The following GALNT7 variants were observed in gnomAD, a reference collection of about 807,000 sequenced individuals.
GALNT7 encodes the protein N-acetylgalactosaminyltransferase 7.
In GALNT7, 60 loss-of-function variants were observed where a neutral mutation model predicts 82.1. The ratio of observed to expected loss-of-function variants is 0.73; its 90% CI spans 0.59 to 0.91. The LOEUF is 0.91. Among genes scored for constraint, GALNT7 ranks in the 40% least tolerant of loss-of-function variants. The pLI is 0.00. For missense variants in GALNT7, 660 were observed against 804.2 expected (o/e 0.82, Z 2.17); for synonymous variants, 243 against 275.1 (o/e 0.88, Z 1.15).
At chr4:173,290,658 G>C (rs1002733113) in intron 2 of GALNT7, among the ~76,000 whole-genome samples, 1 of 152,160 alleles carries the variant, frequency 6.6e-6, no homozygotes, top group South Asian at 2.1e-4. Flanking sequence ...CTTCTATGTT[G>C]TTTGAATTTT....
chr4:173,319,386 C>G (rs889564953), intron 11 of GALNT7, among the ~76,000 whole-genome samples: 2 of 151,862 alleles, frequency 1.3e-5, no homozygotes, highest in Non-Finnish European at 2.9e-5. Flanking sequence ...TATGACCTAG[C>G]TTAACATTCC....
chr4:173,223,028 T>A lies in GALNT7; in HGVS notation c.127-24952T>A, dbSNP rs1733692121. On this transcript the variant is annotated intron_variant, in intron 1 of 11. Coordinates refer to ENST00000265000, the MANE Select transcript of GALNT7 (RefSeq NM_017423.3). The stretch of plus-strand genomic sequence containing the variant: ...TCACAATAAGAATCCTAAAAAAAAA[T>A]TTCATCCTAGCCTCAGCACTTCTCT... Among the ~76,000 whole-genome samples the A allele has an allele frequency of 2.0e-5, 3 of 152,176 alleles. No homozygotes were observed. The South Asian group carries it at 6.2e-4, about 32-fold the overall frequency.
chr4:173,181,477 TAAGA>T (rs992607569), intron 1 of GALNT7, among the ~76,000 whole-genome samples: 21 of 152,226 alleles, frequency 1.4e-4, no homozygotes, highest in African/African-American at 4.6e-4. Context: ...AAAAATATAC[TAAGA>T]AAGGATGATT....
intron 1 of GALNT7, among the ~76,000 whole-genome samples, chr4:173,186,858 C>G (rs1047090956): frequency 6.6e-6 from 1 of 151,896 alleles, no homozygotes; most frequent in African/African-American, 2.4e-5. Flanking sequence ...ACTGCAACCT[C>G]CAACTCCCTG....
intron 1 of GALNT7, among the ~76,000 whole-genome samples, chr4:173,216,701 C>T (rs1370716097): frequency 1.3e-5 from 1 of 77,356 alleles, no homozygotes; most frequent in Non-Finnish European, 2.2e-5. Flanking sequence ...TTCTTGTGTA[C>T]TATTCATATA....
intron 1 of GALNT7, among the ~76,000 whole-genome samples, chr4:173,173,541 G>T (rs1441696771): frequency 1.3e-5 from 2 of 152,158 alleles, no homozygotes; most frequent in Admixed American, 1.3e-4. Context: ...GGGGGAGTTG[G>T]GTTGGGTGGG....
chr4:173,318,331 G>A (rs1737678120), intron 10 of GALNT7, 100 bp from the exon 11 acceptor site: 1 of 827,752 alleles, frequency 1.2e-6, no homozygotes, highest in Non-Finnish European at 1.9e-6. Flanking sequence ...AAATAAGTTA[G>A]TCATTCAATT....
At chr4:173,203,242 C>G (rs551971357) in intron 1 of GALNT7, among the ~76,000 whole-genome samples, 4 of 152,150 alleles carry the variant, frequency 2.6e-5, no homozygotes, top group Admixed American at 2.6e-4. Flanking sequence ...TACAGGCGCC[C>G]GCCACCACGC....
In GALNT7 at chr4:173,298,079, T is replaced by C; in HGVS notation, c.966-36T>C. 1.9e-6 allele frequency: 3 copies of C among 1,607,104 alleles called. No homozygotes were observed. The African/African-American group carries it at 4.0e-5, about 21-fold the overall frequency. ...TAAATGTGTGGGTCCATACATACGC[T>C]TCCATTTGATCTTTGCTGCCATCAA... On this transcript the variant is annotated intron_variant, in intron 5 of 11. Transcript: ENST00000265000.
intron 1 of GALNT7, among the ~76,000 whole-genome samples, chr4:173,196,943 T>C (rs1168132628): frequency 1.3e-5 from 2 of 152,164 alleles, no homozygotes; most frequent in Non-Finnish European, 2.9e-5. Context: ...TCCTGTTGCT[T>C]AAAGAACCAG....
chr4:173,256,331 A>G (rs371501059), intron 2 of GALNT7, among the ~76,000 whole-genome samples: 22 of 152,308 alleles, frequency 1.4e-4, no homozygotes, highest in Non-Finnish European at 2.1e-4. Context: ...TTAGAAATGA[A>G]TGTCTCCAAA....
chr4:173,302,089 G>A lies in GALNT7; in HGVS notation c.1191G>A (p.Glu397=). The stretch of plus-strand genomic sequence containing the variant: ...GGGGATTATTTGCCATTGAACGAGA[G>A]TTCTTCTTTGAATTGGGTCTCTATG... ...MAGGLFAIER[E]FFFELGLYDP... The change falls in exon 7 of 12, where the codon GAG becomes GAA. Residue 397 remains glutamate (E), a synonymous_variant. Transcript: ENST00000265000. The surrounding 1 kb of genome is among the most constrained non-coding windows in gnomAD (Gnocchi z 4.2). The A allele has an allele frequency of 2.5e-6, 4 of 1,603,204 alleles. No individual in the cohort carries two copies. Among genetic ancestry groups the A allele is most frequent in the South Asian group, 1.1e-5 (1 of 90,842 alleles).
chr4:173,256,926 T>C lies in GALNT7; in HGVS notation c.587+8486T>C, dbSNP rs184564676. Among the ~76,000 whole-genome samples, 343 of 152,222 alleles carry C rather than the reference T, an allele frequency of 2.3e-3. 7 individuals are homozygous for C. The highest frequency in any genetic ancestry group is 0.02 in the Admixed American group (300 of 15,278). On this transcript the variant is annotated intron_variant, in intron 2 of 11. Transcript: ENST00000265000. ...GAAGCAGAGCATCTATTCTGAAAAATAGACGACTCTCAATAGACAGCAAGG... is the reference window on the plus strand; with the variant it reads ...GAAGCAGAGCATCTATTCTGAAAAACAGACGACTCTCAATAGACAGCAAGG...
intron 2 of GALNT7, among the ~76,000 whole-genome samples, chr4:173,259,168 G>T (rs1012111733): frequency 6.6e-6 from 1 of 152,190 alleles, no homozygotes; most frequent in Admixed American, 6.5e-5. Context: ...TTGAGGTAAT[G>T]TTATGGGAGG....
At chr4:173,298,430 A>G (rs75063078) in intron 6 of GALNT7, 133 bp downstream of exon 6, 25,087 of 633,392 alleles carry the variant, frequency 0.04, 1,461 homozygotes, top group African/African-American at 0.21. Flanking sequence ...CTTTCCTTAC[A>G]CTGTTTCAGA....
chr4:173,219,560 A>G (rs1472944762), intron 1 of GALNT7, among the ~76,000 whole-genome samples: 1 of 152,140 alleles, frequency 6.6e-6, no homozygotes, highest in Non-Finnish European at 1.5e-5. Context: ...TCTTTAAGGA[A>G]TCTCCACACT....
chr4:173,314,166 A>T lies in GALNT7; in HGVS notation c.1598A>T (p.Asp533Val). ...TACCCTTTGCCACCCAAAAATGTTG[A>T]CTGGGGAGAAGTAAGTAGTCACATC... ...SHYPLPPKNV[D>V]WGEIRGFETA... Residue 533 changes from aspartate to valine, a missense_variant, in exon 9 of 12, where the codon GAC (aspartate) becomes GTC (valine). Transcript: ENST00000265000. The T allele has an allele frequency of 1.2e-6, 2 of 1,601,178 alleles. No individual in the cohort carries two copies. Among genetic ancestry groups the T allele is most frequent in the Non-Finnish European group, 8.6e-7 (1 of 1,168,258 alleles).
chr4:173,296,763 A>T (rs1736731051), intron 5 of GALNT7, among the ~76,000 whole-genome samples: 1 of 152,220 alleles, frequency 6.6e-6, no homozygotes, highest in African/African-American at 2.4e-5. Flanking sequence ...AGTGTCAGGT[A>T]ACTTTCTCTA....
At chr4:173,281,753 C>G (rs927518616) in intron 2 of GALNT7, among the ~76,000 whole-genome samples, 7 of 152,222 alleles carry the variant, frequency 4.6e-5, no homozygotes, top group Non-Finnish European at 1.0e-4. Context: ...TTGTTACCTT[C>G]TATCCCCTTG....
Sources: gnomAD v4.1 joint callset for allele counts (sites outside exome capture counted in the v4.1 genomes callset) on GRCh38, gnomAD v4.1.1 for gene constraint, Gnocchi (gnomAD v3.1) non-coding constraint, MANE v1.5 for transcripts, NCBI Gene and HGNC (gene_info 2026-07-23, HGNC 2026-07-21) for gene names.